The following RASGRF2 variants were observed in gnomAD, a reference collection of about 807,000 sequenced individuals.
The protein encoded by RASGRF2 is ras-specific guanine nucleotide-releasing factor 2.
Under a neutral mutation model 151.0 loss-of-function variants are expected in RASGRF2, and 76 were observed. That is an observed-to-expected ratio of 0.50 (90% confidence interval 0.42 to 0.61). The LOEUF (loss-of-function observed/expected upper bound fraction) is 0.61, where lower values mean the gene tolerates loss of function less well. Ranked by LOEUF, RASGRF2 falls within the 20% of genes least tolerant of loss-of-function variation. The pLI, the probability that RASGRF2 is intolerant of heterozygous loss-of-function variation, is 0.00. For missense variants in RASGRF2, 1,148 were observed against 1,564.6 expected (o/e 0.73, Z 4.49); for synonymous variants, 504 against 566.5 (o/e 0.89, Z 1.57).
rs187597620 is a variant in RASGRF2 at position 81,207,614 on chromosome 5, G to T, written c.3071+265G>T. The stretch of plus-strand genomic sequence containing the variant: ...CAGAGTAATTTCGAGTGTTTTTAAT[G>T]ACTATACAAAATAATTCCTGTATGC... On this transcript the variant is annotated intron_variant, in intron 21 of 26. Transcript: ENST00000265080. Among the ~76,000 whole-genome samples, 152 of 152,280 alleles carry T rather than the reference G, an allele frequency of 1.0e-3. 1 individual carries two copies. Among genetic ancestry groups the T allele is most frequent in the African/African-American group, 3.5e-3 (144 of 41,550 alleles).
At position 81,003,424 on chromosome 5, in the gene RASGRF2, CAG is replaced by C. The variant is rs1749155028; in HGVS notation, c.289-39452_289-39451del. On this transcript the variant is annotated intron_variant, in intron 1 of 26. Transcript: ENST00000265080. The stretch of plus-strand genomic sequence containing the variant: ...ATTTTTAGTAGAGACAGGGTTTCAC[CAG>C]GTTAGCCAGGATGGTCTCGATCTAC... 3.3e-5 allele frequency among the ~76,000 whole-genome samples: 5 copies of C among 152,228 alleles called. No individual in the cohort carries two copies. The South Asian group carries it at 8.3e-4, about 25-fold the overall frequency.
At chr5:81,051,797 T>C (rs1417489601) in intron 2 of RASGRF2, among the ~76,000 whole-genome samples, 3 of 152,224 alleles carry the variant, frequency 2.0e-5, no homozygotes, top group Admixed American at 6.5e-5. Flanking sequence ...TGTGCATTTG[T>C]ACATGAACAT....
intron 1 of RASGRF2, among the ~76,000 whole-genome samples, chr5:81,005,031 C>T (rs1052369281): frequency 6.6e-6 from 1 of 152,196 alleles, no homozygotes; most frequent in Admixed American, 6.5e-5. Flanking sequence ...TCCAAACCTA[C>T]CCCCAGTCCT....
chr5:81,180,216 A>G lies in RASGRF2; in HGVS notation c.2728A>G (p.Ile910Val), dbSNP rs778873832. Residue 910 changes from isoleucine (I) to valine (V), a missense_variant, in exon 18 of 27, where the codon ATA (isoleucine) becomes GTA (valine). Physicochemically the swap from Ile to Val is conservative, Grantham distance 29. This residue lies in a region of RASGRF2 where 646 missense variants were observed against 807.4 expected (regional missense o/e 0.80). Coordinates refer to ENST00000265080, the MANE Select transcript of RASGRF2 (RefSeq NM_006909.3). Reference sequence around the variant, plus strand: ...GAGAACATGTGATAAAGAGTTTATTATACGGAGAACGGCTACCAATCGAGT... The same window carrying G: ...GAGAACATGTGATAAAGAGTTTATTGTACGGAGAACGGCTACCAATCGAGT... ...TERTCDKEFI[I>V]RRTATNRVLN... 1.2e-6 allele frequency: 2 copies of G among 1,613,156 alleles called. No individual in the cohort carries two copies.
chr5:81,020,652 G>C lies in RASGRF2; in HGVS notation c.289-22225G>C, dbSNP rs540208692. 3.3e-5 allele frequency among the ~76,000 whole-genome samples: 5 copies of C among 152,224 alleles called. No homozygotes were observed. The South Asian group carries it at 1.0e-3, about 32-fold the overall frequency. Reference sequence around the variant, plus strand: ...GCAGAGGAGAGAGGGACTCCTTTTTGCCAGAAGGCTCCAGGGGAGGATTCT... The same window carrying C: ...GCAGAGGAGAGAGGGACTCCTTTTTCCCAGAAGGCTCCAGGGGAGGATTCT... On this transcript the variant is annotated intron_variant, in intron 1 of 26. Transcript: ENST00000265080.
At chr5:81,220,636 G>GT (rs1329093822) in intron 26 of RASGRF2, among the ~76,000 whole-genome samples, 1 of 152,078 alleles carries the variant, frequency 6.6e-6, no homozygotes, top group Non-Finnish European at 1.5e-5. Flanking sequence ...CGCCTGGCTA[G>GT]TTTTTTGTAT....
chr5:81,141,845 T>G (rs1389805320), intron 17 of RASGRF2, among the ~76,000 whole-genome samples: 1 of 152,206 alleles, frequency 6.6e-6, no homozygotes, highest in Non-Finnish European at 1.5e-5. Flanking sequence ...ATTGTGGAAA[T>G]CAGGGCCTTA....
intron 15 of RASGRF2, among the ~76,000 whole-genome samples, chr5:81,119,755 C>T (rs73768003): frequency 0.031 from 4,728 of 152,208 alleles, 232 homozygotes; most frequent in African/African-American, 0.11. Flanking sequence ...ACAGTATGGC[C>T]GAAATATTAG....
rs11411890 is a variant in RASGRF2, at chr5:80,994,365, CA to C, written c.288+33357del. Among the ~76,000 whole-genome samples, 282 of 115,332 alleles carry C rather than the reference CA, an allele frequency of 2.4e-3. 3 individuals are homozygous for C. The East Asian group carries it at 0.049, about 20-fold the overall frequency. The allele number at this position is 115,332 out of a possible 152,430, so 75.7% of individuals were successfully genotyped here. On this transcript the variant is annotated intron_variant, in intron 1 of 26. Coordinates refer to ENST00000265080, the MANE Select transcript of RASGRF2 (RefSeq NM_006909.3). ...TGGGCGACAGAGCGACACTCTGTCT[CA>C]AAAAAAAAAAAAAAAAAGAGGTAGT...
intron 12 of RASGRF2, among the ~76,000 whole-genome samples, chr5:81,106,497 A>G (rs1752851248): frequency 6.6e-6 from 1 of 152,202 alleles, no homozygotes; most frequent in Non-Finnish European, 1.5e-5. Flanking sequence ...ATAGGATAAA[A>G]TTAAAATTCA....
chr5:81,007,425 G>T (rs1429674981), intron 1 of RASGRF2, among the ~76,000 whole-genome samples: 2 of 152,120 alleles, frequency 1.3e-5, no homozygotes, highest in Non-Finnish European at 2.9e-5. Flanking sequence ...TGAGGAAGGG[G>T]TTCATTCTTT....
At chr5:81,214,369 G>C (rs1232477039) in intron 23 of RASGRF2, among the ~76,000 whole-genome samples, 1 of 152,196 alleles carries the variant, frequency 6.6e-6, no homozygotes, top group Non-Finnish European at 1.5e-5. Flanking sequence ...TCCAGTCATG[G>C]TAGGTAGGGC....
intron 18 of RASGRF2, among the ~76,000 whole-genome samples, chr5:81,197,684 T>C (rs1233937320): frequency 2.0e-5 from 3 of 152,182 alleles, no homozygotes; most frequent in African/African-American, 4.8e-5. Flanking sequence ...TTCTCTCCAA[T>C]CATTTAAAAG....
chr5:81,094,563 A>T (rs1752489947), intron 11 of RASGRF2, among the ~76,000 whole-genome samples: 2 of 152,180 alleles, frequency 1.3e-5, no homozygotes, highest in South Asian at 4.1e-4. Context: ...GAGAAGAAGG[A>T]AGAGTTGAAT....
At chr5:81,151,935 G>A (rs1754145868) in intron 17 of RASGRF2, among the ~76,000 whole-genome samples, 1 of 152,130 alleles carries the variant, frequency 6.6e-6, no homozygotes. Flanking sequence ...TTATGTTGCA[G>A]TACTGGGTTT....
chr5:81,115,094 T>C (rs1753115274), intron 15 of RASGRF2, among the ~76,000 whole-genome samples: 1 of 152,286 alleles, frequency 6.6e-6, no homozygotes, highest in South Asian at 2.1e-4. Context: ...AATTGGGCAA[T>C]AAATCAGACA....
At chr5:81,091,724 T>C (rs569676995) in intron 9 of RASGRF2, among the ~76,000 whole-genome samples, 2 of 152,290 alleles carry the variant, frequency 1.3e-5, no homozygotes, top group East Asian at 3.9e-4. Context: ...TTTCTGCTTA[T>C]TGAAGTAGTT....
chr5:81,132,954 T>G (rs1293515101), intron 17 of RASGRF2, among the ~76,000 whole-genome samples: 2 of 152,224 alleles, frequency 1.3e-5, no homozygotes, highest in Non-Finnish European at 2.9e-5. Flanking sequence ...TAAGCTTTCT[T>G]GACTTCCTGA....
chr5:81,075,395 C>A (rs1018128180), intron 5 of RASGRF2, among the ~76,000 whole-genome samples: 1 of 152,168 alleles, frequency 6.6e-6, no homozygotes, highest in Admixed American at 6.5e-5. Context: ...AAGTTTTATA[C>A]GGTCGTGCAA....
Sources: allele counts gnomAD v4.1 joint callset (sites outside exome capture counted in the v4.1 genomes callset), GRCh38; gene constraint gnomAD v4.1.1; regional missense constraint gnomAD v4.1.1; transcripts MANE v1.5; gene names NCBI Gene and HGNC (gene_info 2026-07-23, HGNC 2026-07-21).